FANCB: variants seen among roughly 807,000 people sequenced by gnomAD.
The protein encoded by FANCB is FA complementation group B.
In FANCB, 5 loss-of-function variants were observed where a neutral mutation model predicts 38.9. The ratio of observed to expected loss-of-function variants is 0.13; its 90% CI spans 0.07 to 0.27. FANCB has a LOEUF of 0.27. Among genes scored for constraint, FANCB ranks in the 10% least tolerant of loss-of-function variants. The probability of loss-of-function intolerance (pLI) is 1.00; values close to 1 mark genes in which losing one functional copy is unlikely to be tolerated. For missense variants in FANCB, 573 were observed against 602.7 expected (o/e 0.95, Z 0.52); for synonymous variants, 236 against 215.4 (o/e 1.10, Z -0.84).
chrX:14,859,364 T>C (rs2092436811), intron 3 of FANCB, 30 bp from the exon 4 acceptor site: 1 of 1,107,374 alleles, frequency 9.0e-7, no homozygotes, highest in Non-Finnish European at 1.2e-6. Context: ...ATAGGAGGAG[T>C]AGACAAGAAA....
intron 3 of FANCB, chrX:14,862,392 T>C (rs2092450554): frequency 9.0e-6 from 1 of 111,213 alleles, no homozygotes; most frequent in South Asian, 3.8e-4. Context: ...TAGTGGTCCA[T>C]TGTAGAGAGA....
chrX:14,782,662 C>T, the FANCB span, among the ~76,000 whole-genome samples: 1 of 111,855 alleles, frequency 8.9e-6, no homozygotes, highest in African/African-American at 3.3e-5. Context: ...GAGCCAGCAC[C>T]TGAAGCTCAA....
the FANCB span, among the ~76,000 whole-genome samples, chrX:14,736,699 G>A: frequency 8.9e-6 from 1 of 112,134 alleles, no homozygotes; most frequent in Non-Finnish European, 1.9e-5. Flanking sequence ...CTTCCAAAAT[G>A]TAGATTATTT....
intron 2 of FANCB, among the ~76,000 whole-genome samples, chrX:14,868,644 T>A (rs751739579): frequency 3.2e-4 from 35 of 111,073 alleles, no homozygotes; most frequent in African/African-American, 1.0e-3. Context: ...TACAATTAGA[T>A]AAGAGGAATA....
chrX:14,777,684 G>A, the FANCB span, among the ~76,000 whole-genome samples: 1 of 112,106 alleles, frequency 8.9e-6, no homozygotes, highest in Non-Finnish European at 1.9e-5. Flanking sequence ...TGACTCATTA[G>A]CATCACAGTA....
the FANCB span, among the ~76,000 whole-genome samples, chrX:14,746,172 C>G: frequency 8.9e-6 from 1 of 112,064 alleles, no homozygotes; most frequent in African/African-American, 3.2e-5. Flanking sequence ...TTTTAGCATT[C>G]CACATCCTTC....
chrX:14,745,718 G>A, the FANCB span, among the ~76,000 whole-genome samples: 2 of 33,010 alleles, frequency 6.1e-5, no homozygotes, highest in Admixed American at 9.2e-4. Context: ...TTTTTTTTTT[G>A]AGACAGAGTC....
the FANCB span, among the ~76,000 whole-genome samples, chrX:14,807,517 C>T: frequency 9.0e-6 from 1 of 111,490 alleles, no homozygotes. Context: ...AGTTATAACC[C>T]CAAAGTTCTC....
the FANCB span, among the ~76,000 whole-genome samples, chrX:14,735,741 C>T: frequency 8.9e-6 from 1 of 112,614 alleles, no homozygotes; most frequent in Non-Finnish European, 1.9e-5. Context: ...GGCAGTCTGT[C>T]GCTTAGCAGA....
At chrX:14,836,943 T>C (rs1283265673) in intron 10 of FANCB, among the ~76,000 whole-genome samples, 1 of 112,093 alleles carries the variant, frequency 8.9e-6, no homozygotes, top group Non-Finnish European at 1.9e-5. Context: ...GTCTCTTCCA[T>C]TAAGACTGCA....
chrX:14,818,091 C>G, the FANCB span, among the ~76,000 whole-genome samples: 3 of 111,287 alleles, frequency 2.7e-5, no homozygotes, highest in Admixed American at 1.9e-4. Context: ...CTCATTGAGC[C>G]TTTGTATTGC....
intron 6 of FANCB, among the ~76,000 whole-genome samples, chrX:14,852,709 A>C (rs1053794160): frequency 5.3e-5 from 6 of 112,212 alleles, no homozygotes; most frequent in African/African-American, 1.9e-4. Context: ...TAAATACATA[A>C]TTCACTTATG....
chrX:14,856,799 T>A (rs1338050214), intron 5 of FANCB, among the ~76,000 whole-genome samples: 2 of 111,508 alleles, frequency 1.8e-5, no homozygotes, highest in Admixed American at 9.6e-5. Context: ...GAAGGGGGAA[T>A]TATTCTACAT....
At chrX:14,822,606 G>A in the FANCB span, among the ~76,000 whole-genome samples, 1,515 of 109,355 alleles carry the variant, frequency 0.014, 23 homozygotes, top group African/African-American at 0.041. Flanking sequence ...CATGATTAGC[G>A]AAGAGTAATT....
downstream of FANCB, among the ~76,000 whole-genome samples, chrX:14,839,328 GGAAA>G (rs745512284): frequency 4.5e-5 from 5 of 109,968 alleles, no homozygotes; most frequent in Middle Eastern, 4.8e-3. Flanking sequence ...CAAAAAAAAC[GGAAA>G]GAAAGAAAGA....
At chrX:14,739,624 A>G in the FANCB span, among the ~76,000 whole-genome samples, 1 of 111,986 alleles carries the variant, frequency 8.9e-6, no homozygotes, top group Non-Finnish European at 1.9e-5. Context: ...TTCAGAGTCA[A>G]GATTTTGTGT....
At chrX:14,834,893 C>T (rs373896659), downstream of FANCB, 2 of 695,268 alleles carry the variant, frequency 2.9e-6, no homozygotes, top group African/African-American at 4.2e-5. Context: ...TTCCAGGGAC[C>T]AACTGCTTTC....
At chrX:14,827,023 T>A in the FANCB span, among the ~76,000 whole-genome samples, 1 of 112,145 alleles carries the variant, frequency 8.9e-6, no homozygotes, top group Admixed American at 9.5e-5. Flanking sequence ...TAAAGTGGAA[T>A]GTCATCATTA....
At chrX:14,847,940 C>A (rs923257264) in intron 7 of FANCB, among the ~76,000 whole-genome samples, 3 of 111,785 alleles carry the variant, frequency 2.7e-5, no homozygotes, top group Non-Finnish European at 3.8e-5. Flanking sequence ...ATCTTAGGAA[C>A]AACTTATGCT....
Sources: allele counts gnomAD v4.1 joint callset (sites outside exome capture counted in the v4.1 genomes callset), GRCh38; gene constraint gnomAD v4.1.1; transcripts MANE v1.5; gene names NCBI Gene and HGNC (gene_info 2026-07-23, HGNC 2026-07-21).